The following PEX10 variants were observed in gnomAD, a reference collection of about 807,000 sequenced individuals.
PEX10 encodes peroxisome biogenesis factor 10.
Under a neutral mutation model 38.0 loss-of-function variants are expected in PEX10, and 32 were observed. That is an observed-to-expected ratio of 0.84 (90% CI 0.63 to 1.13). The LOEUF is 1.13. Among genes scored for constraint, PEX10 ranks in the 50% most tolerant of loss-of-function variants. The pLI is 0.00. For missense variants in PEX10, 483 were observed against 457.7 expected, an observed-to-expected ratio of 1.06 and a Z score of -0.51; for synonymous variants, 206 against 207.3, an observed-to-expected ratio of 0.99 and a Z score of 0.05.
Position 2,405,838 on chromosome 1 carries a change from C to T in PEX10, c.913-4G>A, listed in dbSNP as rs11586985. 171,340 of 1,586,640 alleles carry T rather than the reference C, an allele frequency of 0.11. 9,839 individuals carry two copies. Among genetic ancestry groups the T allele is most frequent in the Middle Eastern group, 0.2 (1,207 of 5,958 alleles). On this transcript the variant is annotated splice_polypyrimidine_tract_variant and splice_region_variant and intron_variant, in intron 5 of 5. Transcript: ENST00000447513. ...CCCGGCAGAGGGGACACTCCGCCTG[C>T]GGAGAGGAGAAAGGGGGTCACAGCA...
At chr1:2,412,171 G>T (rs1156429724) in intron 1 of PEX10, among the ~76,000 whole-genome samples, 1 of 152,266 alleles carries the variant, frequency 6.6e-6, no homozygotes, top group East Asian at 1.9e-4. Context: ...GTCCCCCGCG[G>T]TGTCTGCGGC....
In PEX10 at chr1:2,409,965, C is replaced by T. The variant is rs770527158; in HGVS notation, c.193+406G>A. The T allele has an allele frequency of 3.8e-6, 1 of 262,348 alleles. No homozygotes were observed. Among genetic ancestry groups the T allele is most frequent in the African/African-American group, 2.2e-5 (1 of 45,274 alleles). The allele number at this position is 262,348 out of a possible 1,614,324, so 16.3% of individuals were successfully genotyped here. On this transcript the variant is annotated intron_variant, in intron 2 of 5. Transcript: ENST00000447513. This position sits in a 1 kb window ranked among gnomAD's most constrained non-coding sequence, Gnocchi z 6.2. ...TGAGCTGGGGTTGGGAGCCTGAGAG[C>T]TTCTGTCAACAACTCCCTCTAAAGG... is the stretch of plus-strand genomic sequence containing the variant.
chr1:2,410,930 AG>A lies in PEX10; in HGVS notation c.113-480del, dbSNP rs1198923118. On this transcript the variant is annotated intron_variant, in intron 1 of 5. Transcript: ENST00000447513. The surrounding 1 kb of genome is among the most constrained non-coding windows in gnomAD (Gnocchi z 5.1). ...AAACACTGGGAACAGTGTCTGGCAC[AG>A]GGGTAAGTGCCAAGTGTACTGTAAA... 2.2e-6 allele frequency: 1 copy of A among 454,106 alleles called. No homozygotes were observed. Among genetic ancestry groups the A allele is most frequent in the East Asian group, 7.0e-5 (1 of 14,384 alleles). 28.1% of individuals were successfully genotyped at this position (454,106 alleles called of 1,614,324 possible). A position where few individuals can be genotyped will look rare whatever the true frequency, so the allele number is the denominator to read the frequency against.
In PEX10 at chr1:2,410,520, C is replaced by T; in HGVS notation, c.113-69G>A. 2.9e-6 allele frequency: 4 copies of T among 1,392,736 alleles called. No individual in the cohort carries two copies. The highest frequency in any genetic ancestry group is 2.4e-5 in the South Asian group (2 of 83,840). The allele number at this position is 1,392,736 out of a possible 1,614,324, so 86.3% of individuals were successfully genotyped here. On this transcript the variant is annotated intron_variant, in intron 1 of 5. Transcript: ENST00000447513. This position sits in a 1 kb window ranked among gnomAD's most constrained non-coding sequence, Gnocchi z 5.1. The stretch of plus-strand genomic sequence containing the variant: ...CCTCTGAGGATGAGGGACCACAGTC[C>T]TCCCCCAGTTGTCTAGGCCCAGATC...
intron 3 of PEX10, among the ~76,000 whole-genome samples, chr1:2,407,964 T>G (rs1570103715): frequency 9.1e-6 from 1 of 110,234 alleles, no homozygotes; most frequent in South Asian, 3.2e-4. Flanking sequence ...CCAACGGCTG[T>G]GGAGGGGAGA....
chr1:2,405,699 G>C lies in PEX10; in HGVS notation c.*67C>G, dbSNP rs1451308094. The C allele has an allele frequency of 1.5e-6, 2 of 1,354,998 alleles. No homozygotes were observed. Among genetic ancestry groups the C allele is most frequent in the Non-Finnish European group, 1.0e-6 (1 of 967,954 alleles). 83.9% of individuals were successfully genotyped at this position (1,354,998 alleles called of 1,614,324 possible). A position where few individuals can be genotyped will look rare whatever the true frequency, so the allele number is the denominator to read the frequency against. On this transcript the variant is annotated 3_prime_UTR_variant, in exon 6 of 6. Transcript: ENST00000447513. ...CTTCTGTGCAAGCAAGGTTAATCCT[G>C]AGACTAAATCTTGGCGTTCAGACTC...
At position 2,408,832 on chromosome 1, in the gene PEX10, C is replaced by A; in HGVS notation, c.220G>T (p.Val74Phe). Residue 74 changes from valine to phenylalanine, a missense_variant, in exon 3 of 6, where the codon GTC (valine) becomes TTC (phenylalanine). Coordinates refer to ENST00000447513, the MANE Select transcript of PEX10 (RefSeq NM_002617.4). ...GATGGGTCCACCTGGATGATGCTGA[C>A]GTACTCCTCCCCCAGGGTCTGGTAG... ...AGYQTLGEEY[V>F]SIIQVDPSRI... The A allele has an allele frequency of 6.2e-7, 1 of 1,614,064 alleles. No homozygotes were observed. The highest frequency in any genetic ancestry group is 8.5e-7 in the Non-Finnish European group (1 of 1,179,938).
upstream of PEX10, among the ~76,000 whole-genome samples, chr1:2,413,252 A>G (rs2494595): frequency 0.13 from 20,377 of 152,234 alleles, 1,470 homozygotes; most frequent in Middle Eastern, 0.29. Context: ...GCAGCCGGGA[A>G]GCCGCCGCGT....
rs973230217 is a variant in PEX10, at chr1:2,410,976, A to C, written c.113-525T>G. 25 of 421,202 alleles carry C rather than the reference A, an allele frequency of 5.9e-5. No homozygotes were observed. Among genetic ancestry groups the C allele is most frequent in the South Asian group, 2.2e-4 (13 of 59,410 alleles). 26.1% of individuals were successfully genotyped at this position (421,202 alleles called of 1,614,324 possible). On this transcript the variant is annotated intron_variant, in intron 1 of 5. Coordinates refer to ENST00000447513, the MANE Select transcript of PEX10 (RefSeq NM_002617.4). The surrounding 1 kb of genome is among the most constrained non-coding windows in gnomAD (Gnocchi z 5.1). ...TGTAAAACAAGTAAGTACACACACA[A>C]AAAATTCTCATCATGTCACTCTCCT...
Position 2,404,477 on chromosome 1 carries a change from A to G in PEX10, c.*1289T>C, listed in dbSNP as rs976109602. ...GCGCTTGGCCAGAGCACAGTGAAGC[A>G]AAGGACTGGGTGCTGATGGATGGAG... is the stretch of plus-strand genomic sequence containing the variant. On this transcript the variant is annotated 3_prime_UTR_variant, in exon 6 of 6. Transcript: ENST00000447513. 3.3e-5 allele frequency: 5 copies of G among 152,256 alleles called. No individual in the cohort carries two copies. The highest frequency in any genetic ancestry group is 5.9e-5 in the Non-Finnish European group (4 of 68,056). The allele number at this position is 152,256 out of a possible 1,614,324, so 9.4% of individuals were successfully genotyped here. A position where few individuals can be genotyped will look rare whatever the true frequency, so the allele number is the denominator to read the frequency against.
At chr1:2,411,209 C>G (rs569825475) in intron 1 of PEX10, among the ~76,000 whole-genome samples, 6 of 150,332 alleles carry the variant, frequency 4.0e-5, no homozygotes, top group Admixed American at 2.0e-4. Context: ...GCCCCACCCC[C>G]CAAAGACTTG....
In PEX10 at chr1:2,405,630, G is replaced by GC. The variant is rs1262710343; in HGVS notation, c.*135dup. The GC allele has an allele frequency of 1.2e-6, 1 of 818,434 alleles. No individual in the cohort carries two copies. Among genetic ancestry groups the GC allele is most frequent in the Admixed American group, 2.0e-5 (1 of 50,032 alleles). The allele number at this position is 818,434 out of a possible 1,614,324, so 50.7% of individuals were successfully genotyped here. A position where few individuals can be genotyped will look rare whatever the true frequency, so the allele number is the denominator to read the frequency against. On this transcript the variant is annotated 3_prime_UTR_variant, in exon 6 of 6. Coordinates refer to ENST00000447513, the MANE Select transcript of PEX10 (RefSeq NM_002617.4). ...CAGCTTTCTGTTCTCTCCCAGGGTG[G>GC]CTAGGTTAGTATCTTACATGACAAA...
In PEX10 at chr1:2,405,750, C is replaced by T. The variant is rs886046146; in HGVS notation, c.*16G>A. Reference sequence around the variant, plus strand: ...CCGTAGAGGTCATCTGTGTCCAGGCCCACCCGGGCGCCGGCTCAGCGGTAG... The same window carrying T: ...CCGTAGAGGTCATCTGTGTCCAGGCTCACCCGGGCGCCGGCTCAGCGGTAG... On this transcript the variant is annotated 3_prime_UTR_variant, in exon 6 of 6. Transcript: ENST00000447513. The T allele has an allele frequency of 4.4e-6, 7 of 1,592,310 alleles. No homozygotes were observed. Among genetic ancestry groups the T allele is most frequent in the East Asian group, 2.3e-5 (1 of 43,544 alleles).
chr1:2,408,959 GC>G, intron 2 of PEX10, 101 bp from the exon 3 acceptor site: 2 of 1,186,526 alleles, frequency 1.7e-6, no homozygotes, highest in Middle Eastern at 2.0e-4. Context: ...CCTGTCAACA[GC>G]CCCATCTTGT....
chr1:2,408,848 G>C lies in PEX10; in HGVS notation c.204C>G (p.Thr68=), dbSNP rs758228587. Residue 68 remains threonine (T), a synonymous_variant, in exon 3 of 6, where the codon ACC becomes ACG. Transcript: ENST00000447513. ...TGATGCTGACGTACTCCTCCCCCAG[G>C]GTCTGGTAGCCTGCGAGGAAGAGGA... is the stretch of plus-strand genomic sequence containing the variant. ...FGLTTLAGYQ[T]LGEEYVSIIQ... is the part of the protein sequence containing the mutation. The C allele has an allele frequency of 1.9e-6, 3 of 1,613,998 alleles. No individual in the cohort carries two copies. The highest frequency in any genetic ancestry group is 2.5e-6 in the Non-Finnish European group (3 of 1,179,904).
At position 2,410,267 on chromosome 1, in the gene PEX10, C is replaced by T; in HGVS notation, c.193+104G>A. ...TTCCCTGAAGCAACCTCACCCGGGC[C>T]AGCTCCAGGAGCTTCTCACACTGCC... On this transcript the variant is annotated intron_variant, in intron 2 of 5. Transcript: ENST00000447513. The surrounding 1 kb of genome is among the most constrained non-coding windows in gnomAD (Gnocchi z 5.1). 1 of 1,003,880 alleles carries T rather than the reference C, an allele frequency of 1.0e-6. No individual in the cohort carries two copies. The highest frequency in any genetic ancestry group is 1.6e-6 in the Non-Finnish European group (1 of 636,986). 62.2% of individuals were successfully genotyped at this position (1,003,880 alleles called of 1,614,324 possible). A position where few individuals can be genotyped will look rare whatever the true frequency, so the allele number is the denominator to read the frequency against.
At chr1:2,405,896 G>T in intron 5 of PEX10, 62 bp from the exon 6 acceptor site, 4 of 1,317,060 alleles carry the variant, frequency 3.0e-6, no homozygotes, top group Non-Finnish European at 4.3e-6. Context: ...CATCCCCATC[G>T]GCATTTCTTT....
chr1:2,412,573 A>C (rs954183270), upstream of PEX10: 2 of 1,149,440 alleles, frequency 1.7e-6, no homozygotes, highest in Non-Finnish European at 2.2e-6. Context: ...AGAACTGATG[A>C]CGGCACGACG....
chr1:2,405,593 C>T lies in PEX10; in HGVS notation c.*173G>A, dbSNP rs1129171. On this transcript the variant is annotated 3_prime_UTR_variant, in exon 6 of 6. Transcript: ENST00000447513. ...GGCGCCCCTCCCAGGGCTGAGAAAG[C>T]GCAGCCAGGGACAGCTTTCTGTTCT... 231,694 of 725,964 alleles carry T rather than the reference C, an allele frequency of 0.32. 38,642 individuals are homozygous for T. The highest frequency in any genetic ancestry group is 0.49 in the East Asian group (18,377 of 37,156). The allele number at this position is 725,964 out of a possible 1,614,324, so 45.0% of individuals were successfully genotyped here.
Sources: gnomAD v4.1 joint callset for allele counts (sites outside exome capture counted in the v4.1 genomes callset) on GRCh38, gnomAD v4.1.1 for gene constraint, Gnocchi (gnomAD v3.1) non-coding constraint, MANE v1.5 for transcripts, NCBI Gene and HGNC (gene_info 2026-07-23, HGNC 2026-07-21) for gene names.